SHOC1: variants seen among roughly 807,000 people sequenced by gnomAD.
The protein encoded by SHOC1 is shortage in chiasmata 1.
A neutral mutation model predicts 179.2 loss-of-function variants in SHOC1; 136 were observed. The ratio of observed to expected loss-of-function variants is 0.76; its 90% CI spans 0.66 to 0.87. The LOEUF (loss-of-function observed/expected upper bound fraction) is 0.87. Among genes scored for constraint, SHOC1 ranks in the 40% least tolerant of loss-of-function variants. The probability of loss-of-function intolerance (pLI) is 0.00; values close to 1 mark genes in which losing one functional copy is unlikely to be tolerated. For missense variants in SHOC1, 1,538 were observed against 1,700.8 expected (o/e 0.90, Z 1.68); for synonymous variants, 489 against 586.6 (o/e 0.83, Z 2.41).
intron 23 of SHOC1, 43 bp from the exon 24 acceptor site, chr9:111,700,090 A>G (rs371100586): frequency 2.0e-6 from 2 of 991,372 alleles, no homozygotes; most frequent in African/African-American, 3.3e-5. Flanking sequence ...ATTTGATATC[A>G]GATTATATTT....
intron 3 of SHOC1, among the ~76,000 whole-genome samples, chr9:111,782,935 T>C (rs1456320594): frequency 1.3e-5 from 2 of 151,006 alleles, no homozygotes; most frequent in African/African-American, 2.4e-5. Context: ...CTGCAAACTC[T>C]ATCTTCCTAT....
rs1279309285 is a variant in SHOC1, at chr9:111,692,016, G to A, written c.3961C>T (p.Pro1321Ser). The A allele has an allele frequency of 6.8e-6, 11 of 1,612,954 alleles. No individual in the cohort carries two copies. The South Asian group carries it at 1.2e-4, about 18-fold the overall frequency. The stretch of plus-strand genomic sequence containing the variant: ...CTTTTCTGAGAATTTATAAAACGGG[G>A]GACAACTGACACTCTCTTCTGAGTG... ...TDTQKRVSVV[P>S]RFINSQKRRT... The change falls in exon 27 of 28, where the codon CCC becomes TCC. Residue 1321 changes from proline (P) to serine (S), a missense_variant. Pro to Ser is a moderately conservative substitution (Grantham distance 74). Transcript: ENST00000682961.
Position 111,778,631 on chromosome 9 carries a change from G to A in SHOC1, c.257+2299C>T, listed in dbSNP as rs1322884996. On this transcript the variant is annotated intron_variant, in intron 4 of 27. Transcript: ENST00000682961. Reference sequence around the variant, plus strand: ...TAAAAATACAAAAAATTTAGCTGGGGGTGTTAGTGGATGCCTGTAATATCA... The same window carrying A: ...TAAAAATACAAAAAATTTAGCTGGGAGTGTTAGTGGATGCCTGTAATATCA... 2.0e-5 allele frequency among the ~76,000 whole-genome samples: 3 copies of A among 150,582 alleles called. No individual in the cohort carries two copies. The East Asian group carries it at 5.9e-4, about 30-fold the overall frequency.
At chr9:111,716,681 G>A (rs1832808936) in intron 16 of SHOC1, among the ~76,000 whole-genome samples, 1 of 152,072 alleles carries the variant, frequency 6.6e-6, no homozygotes, top group Non-Finnish European at 1.5e-5. Context: ...GTGAGCCATG[G>A]CACCCAGCCC....
At chr9:111,689,950 G>A (rs1589366966) in intron 27 of SHOC1, among the ~76,000 whole-genome samples, 1 of 152,070 alleles carries the variant, frequency 6.6e-6, no homozygotes, top group African/African-American at 2.4e-5. Flanking sequence ...AGAACATATA[G>A]TAATTCACAT....
rs150511859 is a variant in SHOC1 at position 111,741,449 on chromosome 9, T to G, written c.1174+27A>C. On this transcript the variant is annotated intron_variant, in intron 11 of 27. Transcript: ENST00000682961. ...TACCTTTTTACCTATACTTTCTATT[T>G]ATCACTTAAAGGCAATTAATCTTTA... is the stretch of plus-strand genomic sequence containing the variant. 2,817 of 1,283,294 alleles carry G rather than the reference T, an allele frequency of 2.2e-3. 7 individuals carry two copies. Among genetic ancestry groups the G allele is most frequent in the Non-Finnish European group, 2.8e-3 (2,524 of 890,018 alleles). The allele number at this position is 1,283,294 out of a possible 1,614,324, so 79.5% of individuals were successfully genotyped here.
intron 9 of SHOC1, among the ~76,000 whole-genome samples, chr9:111,746,767 AAG>A (rs1240334504): frequency 1.3e-5 from 2 of 152,206 alleles, no homozygotes; most frequent in Admixed American, 6.5e-5. Flanking sequence ...TTTCAATAAA[AAG>A]AAATTTGAGT....
chr9:111,768,733 C>A (rs1835453129), intron 5 of SHOC1, among the ~76,000 whole-genome samples: 2 of 152,088 alleles, frequency 1.3e-5, no homozygotes, highest in Non-Finnish European at 2.9e-5. Flanking sequence ...TCTTCCTTTC[C>A]AATTTGAATG....
chr9:111,732,001 A>T (rs970147532), intron 12 of SHOC1, among the ~76,000 whole-genome samples: 8 of 147,370 alleles, frequency 5.4e-5, no homozygotes, highest in African/African-American at 1.9e-4. Flanking sequence ...TGTATTTTTA[A>T]AAAAAAAATT....
intron 14 of SHOC1, among the ~76,000 whole-genome samples, chr9:111,723,087 T>G (rs993224073): frequency 5.9e-5 from 9 of 152,160 alleles, no homozygotes; most frequent in Non-Finnish European, 1.5e-5. Flanking sequence ...GCCTATATTA[T>G]TTATTAGAGA....
At chr9:111,696,755 AT>A (rs1348664548) in intron 24 of SHOC1, among the ~76,000 whole-genome samples, 1 of 152,164 alleles carries the variant, frequency 6.6e-6, no homozygotes, top group Non-Finnish European at 1.5e-5. Context: ...TCTAAAGCAT[AT>A]TTTGCCTGTA....
At position 111,694,285 on chromosome 9, in the gene SHOC1, C is replaced by G; in HGVS notation, c.3261G>C (p.Lys1087Asn). The G allele has an allele frequency of 6.2e-7, 1 of 1,612,182 alleles. No individual in the cohort carries two copies. The highest frequency in any genetic ancestry group is 8.5e-7 in the Non-Finnish European group (1 of 1,178,660). Reference sequence around the variant, plus strand: ...TATCCAACCATTCATGAGGATCTCTCTTTGAGGTCATTAAACTGTGGTCAG... The same window carrying G: ...TATCCAACCATTCATGAGGATCTCTGTTTGAGGTCATTAAACTGTGGTCAG... ...QIADHSLMTS[K>N]RDPHEWLDKS... Residue 1087 changes from lysine to asparagine, a missense_variant, in exon 25 of 28, where the codon AAG becomes AAC. Physicochemically the swap from Lys to Asn is moderately conservative, Grantham distance 94 (BLOSUM62 0). Coordinates refer to ENST00000682961, the MANE Select transcript of SHOC1 (RefSeq NM_001378211.1).
At chr9:111,713,261 G>T (rs963203481) in intron 17 of SHOC1, 89 bp from the exon 18 acceptor site, 1 of 647,318 alleles carries the variant, frequency 1.5e-6, no homozygotes, top group Non-Finnish European at 2.6e-6. Context: ...ACTTTAATTG[G>T]TTCTATGAAA....
chr9:111,727,898 TC>T lies in SHOC1; in HGVS notation c.1568del (p.Gly523GlufsTer15). On this transcript the variant is annotated frameshift_variant, in exon 13 of 28. Coordinates refer to ENST00000682961, the MANE Select transcript of SHOC1 (RefSeq NM_001378211.1). LOFTEE classifies it high-confidence loss of function. Reference sequence around the variant, plus strand: ...TCTTTGGTTTTTCTTCTTTTGCTGCTCCTTTATCAGAGAAATAGTCATCAGA... The same window carrying T: ...TCTTTGGTTTTTCTTCTTTTGCTGCTCTTTATCAGAGAAATAGTCATCAGA... Reference protein sequence around the residue: ...CFSDDYFSDKGAAKEEKPKND... With the variant: ...CFSDDYFSDKXAAKEEKPKND... The T allele has an allele frequency of 6.2e-7, 1 of 1,613,376 alleles. No individual in the cohort carries two copies. The highest frequency in any genetic ancestry group is 2.2e-5 in the East Asian group (1 of 44,778).
chr9:111,767,732 TG>T (rs946112951), intron 5 of SHOC1, among the ~76,000 whole-genome samples: 4 of 152,242 alleles, frequency 2.6e-5, no homozygotes, highest in African/African-American at 9.6e-5. Flanking sequence ...AGAATATCAT[TG>T]GTATTTTGAT....
At chr9:111,792,746 G>A (rs1836489836) in intron 1 of SHOC1, among the ~76,000 whole-genome samples, 2 of 152,194 alleles carry the variant, frequency 1.3e-5, no homozygotes, top group Non-Finnish European at 2.9e-5. Flanking sequence ...AGATTCTGTG[G>A]TGTGGAGAAT....
intron 19 of SHOC1, among the ~76,000 whole-genome samples, chr9:111,707,588 CT>C (rs1014117210): frequency 2.0e-5 from 3 of 151,984 alleles, no homozygotes; most frequent in Admixed American, 2.0e-4. Context: ...TAAATAGGCA[CT>C]TCTGTACTAC....
intron 9 of SHOC1, 101 bp from the exon 10 acceptor site, chr9:111,746,443 G>C: frequency 1.5e-6 from 1 of 653,456 alleles, no homozygotes; most frequent in Non-Finnish European, 2.7e-6. Flanking sequence ...GGGAGGCTGA[G>C]GTAGGAGGAT....
At chr9:111,721,120 C>G (rs1487929386) in intron 15 of SHOC1, among the ~76,000 whole-genome samples, 1 of 152,178 alleles carries the variant, frequency 6.6e-6, no homozygotes, top group Non-Finnish European at 1.5e-5. Flanking sequence ...AGGTTCACAG[C>G]AGTGCTAAGT....
Sources: gnomAD v4.1 joint callset for allele counts (sites outside exome capture counted in the v4.1 genomes callset) on GRCh38, gnomAD v4.1.1 for gene constraint, MANE v1.5 for transcripts, NCBI Gene and HGNC (gene_info 2026-07-23, HGNC 2026-07-21) for gene names.